Variants in MARCHF3 observed in about 807,000 individuals in gnomAD.
MARCHF3 encodes the protein membrane associated ring-CH-type finger 3, also known as E3 ubiquitin-protein ligase MARCHF3.
In MARCHF3, 13 loss-of-function variants were observed where a neutral mutation model predicts 24.2. The ratio of observed to expected loss-of-function variants is 0.54; its 90% CI spans 0.35 to 0.85. The LOEUF (loss-of-function observed/expected upper bound fraction) is 0.85. MARCHF3 is among the 40% of genes least tolerant of loss of function. The pLI is 0.01. For synonymous variants in MARCHF3, 144 were observed against 137.3 expected (o/e 1.05, Z -0.34); for missense variants, 276 against 325.0 (o/e 0.85, Z 1.16).
At chr5:126,962,916 C>G (rs1750689371) in intron 1 of MARCHF3, among the ~76,000 whole-genome samples, 1 of 151,580 alleles carries the variant, frequency 6.6e-6, no homozygotes, top group Non-Finnish European at 1.5e-5. Flanking sequence ...ACTTGTGATG[C>G]TGTAACCTGT....
At chr5:126,924,449 C>T (rs989513967) in intron 1 of MARCHF3, among the ~76,000 whole-genome samples, 1 of 152,168 alleles carries the variant, frequency 6.6e-6, no homozygotes, top group Non-Finnish European at 1.5e-5. Context: ...GAACTTTCCT[C>T]TCTGAGTTAG....
chr5:126,972,376 TG>T (rs1360966494), intron 1 of MARCHF3, among the ~76,000 whole-genome samples: 2 of 152,172 alleles, frequency 1.3e-5, no homozygotes, highest in African/African-American at 4.8e-5. Flanking sequence ...GCAAAGTATC[TG>T]TTCATTCATA....
intron 3 of MARCHF3, among the ~76,000 whole-genome samples, chr5:126,907,026 G>C (rs376923746): frequency 4.0e-5 from 6 of 151,754 alleles, no homozygotes; most frequent in African/African-American, 1.2e-4. Flanking sequence ...TGTCTTTGTT[G>C]TCGTTGGTTT....
intron 1 of MARCHF3, among the ~76,000 whole-genome samples, chr5:127,009,195 G>A (rs191350036): frequency 2.4e-4 from 37 of 152,184 alleles, no homozygotes; most frequent in South Asian, 4.1e-4. Flanking sequence ...AAGCATTCTC[G>A]TAACCAGAAT....
At chr5:126,890,555 G>A (rs1753655053) in intron 3 of MARCHF3, among the ~76,000 whole-genome samples, 1 of 150,818 alleles carries the variant, frequency 6.6e-6, no homozygotes. Context: ...TTTTGTTCTT[G>A]CGATAGTTTA....
chr5:126,924,045 G>C (rs1372330576), intron 1 of MARCHF3, among the ~76,000 whole-genome samples: 1 of 151,998 alleles, frequency 6.6e-6, no homozygotes, highest in Non-Finnish European at 1.5e-5. Context: ...AAGGAAATGT[G>C]GAGGCCACCA....
chr5:126,871,101 G>A (rs961452237), intron 4 of MARCHF3, among the ~76,000 whole-genome samples: 18 of 152,188 alleles, frequency 1.2e-4, no homozygotes, highest in Admixed American at 7.2e-4. Flanking sequence ...ATTTATTTTC[G>A]GACTAGTGGT....
At chr5:126,872,143 G>T (rs1216592843) in intron 4 of MARCHF3, among the ~76,000 whole-genome samples, 1 of 143,240 alleles carries the variant, frequency 7.0e-6, no homozygotes, top group African/African-American at 2.6e-5. Flanking sequence ...GCAATGGCGC[G>T]ATCTCGGCTC....
intron 4 of MARCHF3, among the ~76,000 whole-genome samples, chr5:126,875,183 GTGA>G (rs747766303): frequency 1.3e-5 from 2 of 152,202 alleles, no homozygotes; most frequent in Non-Finnish European, 2.9e-5. Context: ...GACATGGACA[GTGA>G]TGTTTCTAGG....
At chr5:126,907,681 T>G (rs1485607026) in intron 3 of MARCHF3, among the ~76,000 whole-genome samples, 1 of 146,108 alleles carries the variant, frequency 6.8e-6, no homozygotes, top group East Asian at 2.0e-4. Flanking sequence ...TGGTAGATCT[T>G]CCTCCATCCT....
intron 1 of MARCHF3, among the ~76,000 whole-genome samples, chr5:126,933,578 G>C (rs1404908970): frequency 6.6e-6 from 1 of 151,740 alleles, no homozygotes; most frequent in Non-Finnish European, 1.5e-5. Flanking sequence ...CCGAGTAGCT[G>C]GGACTACAGG....
chr5:126,993,256 G>C (rs1037477333), intron 1 of MARCHF3, among the ~76,000 whole-genome samples: 1 of 152,166 alleles, frequency 6.6e-6, no homozygotes, highest in Non-Finnish European at 1.5e-5. Flanking sequence ...CCAAGGCGAG[G>C]TGTAGAGGCC....
chr5:126,917,230 GA>G (rs1210935274), intron 2 of MARCHF3, among the ~76,000 whole-genome samples: 5 of 152,316 alleles, frequency 3.3e-5, no homozygotes, highest in African/African-American at 1.2e-4. Context: ...ACCATTCTGA[GA>G]AAAAGCTGGA....
At chr5:126,939,172 G>C (rs1043670302) in intron 1 of MARCHF3, among the ~76,000 whole-genome samples, 1 of 152,146 alleles carries the variant, frequency 6.6e-6, no homozygotes, top group African/African-American at 2.4e-5. Context: ...TATAACAGGT[G>C]AACTCAACTT....
intron 1 of MARCHF3, among the ~76,000 whole-genome samples, 153 bp from the exon 2 acceptor site, chr5:126,918,380 G>GTGCA (rs1422706877): frequency 1.3e-5 from 2 of 148,702 alleles, no homozygotes; most frequent in Non-Finnish European, 2.9e-5. Context: ...TTTAATACAA[G>GTGCA]TGCACACACA....
chr5:126,914,405 A>G (rs903014676), intron 3 of MARCHF3, among the ~76,000 whole-genome samples: 12 of 152,140 alleles, frequency 7.9e-5, no homozygotes, highest in Non-Finnish European at 1.0e-4. Context: ...TATAATATTA[A>G]TTTCCTTAAT....
At chr5:126,879,230 C>T (rs1753271693) in intron 3 of MARCHF3, among the ~76,000 whole-genome samples, 1 of 152,204 alleles carries the variant, frequency 6.6e-6, no homozygotes, top group African/African-American at 2.4e-5. Flanking sequence ...GACTTCACCC[C>T]ATGCACCTTC....
At chr5:126,876,957 T>C (rs1249999598) in intron 4 of MARCHF3, among the ~76,000 whole-genome samples, 2 of 152,176 alleles carry the variant, frequency 1.3e-5, no homozygotes, top group South Asian at 2.1e-4. Context: ...GCTGGAAGCG[T>C]AGACTTCTAA....
chr5:126,941,796 A>G (rs1749838770), intron 1 of MARCHF3, among the ~76,000 whole-genome samples: 1 of 152,198 alleles, frequency 6.6e-6, no homozygotes. Flanking sequence ...TTTCCATCCA[A>G]ACACTTGGCA....
Sources: gnomAD v4.1 joint callset for allele counts (sites outside exome capture counted in the v4.1 genomes callset) on GRCh38, gnomAD v4.1.1 for gene constraint, MANE v1.5 for transcripts, NCBI Gene and HGNC (gene_info 2026-07-23, HGNC 2026-07-21) for gene names.